The following RUNX1 variants were observed in gnomAD, a reference collection of about 807,000 sequenced individuals.
The protein encoded by RUNX1 is runt-related transcription factor 1.
In RUNX1, 19 loss-of-function variants were observed where a neutral mutation model predicts 42.8. The ratio of observed to expected loss-of-function variants is 0.44; its 90% CI spans 0.31 to 0.65. RUNX1 has a LOEUF of 0.65. RUNX1 is among the 30% of genes least tolerant of loss of function. RUNX1 has a pLI of 0.07. For synonymous variants in RUNX1, 271 were observed against 289.4 expected (o/e 0.94, Z 0.64); for missense variants, 528 against 672.0 (o/e 0.79, Z 2.37).
chr21:34,993,059 C>T (rs2058957901), intron 2 of RUNX1, among the ~76,000 whole-genome samples: 2 of 152,254 alleles, frequency 1.3e-5, no homozygotes, highest in African/African-American at 4.8e-5. Flanking sequence ...CATCTGGGGC[C>T]TTTGGGAAGC....
At chr21:34,955,305 G>C (rs1049840404) in intron 2 of RUNX1, among the ~76,000 whole-genome samples, 1 of 151,978 alleles carries the variant, frequency 6.6e-6, no homozygotes, top group Admixed American at 6.6e-5. Context: ...CTAAGCAGTT[G>C]TGAGGATTGC....
At chr21:34,989,187 T>G (rs2058917028) in intron 2 of RUNX1, among the ~76,000 whole-genome samples, 1 of 152,094 alleles carries the variant, frequency 6.6e-6, no homozygotes, top group Non-Finnish European at 1.5e-5. Context: ...TTTTGTATTT[T>G]TAGTAGAGAC....
chr21:34,967,443 C>A (rs945497945), intron 2 of RUNX1, among the ~76,000 whole-genome samples: 1 of 150,164 alleles, frequency 6.7e-6, no homozygotes, highest in African/African-American at 2.4e-5. Context: ...AACTGTGCCA[C>A]GTCAGTGTCA....
intron 7 of RUNX1, among the ~76,000 whole-genome samples, chr21:34,809,230 T>G (rs2056725539): frequency 6.6e-6 from 1 of 151,938 alleles, no homozygotes; most frequent in Non-Finnish European, 1.5e-5. Context: ...TTCCTTCCAC[T>G]CCTCCATGTC....
chr21:34,803,274 G>A (rs577627868), intron 7 of RUNX1, among the ~76,000 whole-genome samples: 2 of 152,174 alleles, frequency 1.3e-5, no homozygotes, highest in South Asian at 2.1e-4. Flanking sequence ...AGGGCCGGGC[G>A]CAGTGGCTCA....
At chr21:34,838,633 A>C (rs925649665) in intron 6 of RUNX1, among the ~76,000 whole-genome samples, 28 of 152,232 alleles carry the variant, frequency 1.8e-4, no homozygotes, top group Admixed American at 6.5e-5. Flanking sequence ...GGATATAAAA[A>C]TATGGGGTTT....
chr21:34,898,588 G>C (rs766687797), intron 2 of RUNX1, among the ~76,000 whole-genome samples: 3 of 152,132 alleles, frequency 2.0e-5, no homozygotes, highest in Non-Finnish European at 4.4e-5. Context: ...GAGAGCAGGG[G>C]TGTTTTTTAT....
At chr21:34,887,968 T>G in intron 3 of RUNX1, 1 of 1,065,956 alleles carries the variant, frequency 9.4e-7, no homozygotes, top group Non-Finnish European at 1.1e-6. Context: ...GAAGGCCCAG[T>G]CGATGACACT....
chr21:35,032,140 T>G (rs1396093332), intron 2 of RUNX1, among the ~76,000 whole-genome samples: 1 of 152,174 alleles, frequency 6.6e-6, no homozygotes, highest in Non-Finnish European at 1.5e-5. Context: ...AGCCTTGAAA[T>G]GGAAAAGGAA....
intron 2 of RUNX1, among the ~76,000 whole-genome samples, chr21:35,013,872 G>C (rs1185111134): frequency 6.6e-6 from 1 of 152,140 alleles, no homozygotes; most frequent in East Asian, 1.9e-4. Flanking sequence ...CTGTGTTATA[G>C]AAATTCATGC....
At chr21:34,887,689 T>TG (rs1322524357) in intron 3 of RUNX1, 1 of 1,066,742 alleles carries the variant, frequency 9.4e-7, no homozygotes, top group Admixed American at 4.8e-5. Context: ...CTAATGTATG[T>TG]GCACGTATAT....
chr21:34,826,252 A>G (rs1005842713), intron 7 of RUNX1, among the ~76,000 whole-genome samples: 1 of 152,022 alleles, frequency 6.6e-6, no homozygotes, highest in Non-Finnish European at 1.5e-5. Flanking sequence ...TAATCATGTG[A>G]GTGGGTTATT....
At position 34,889,583 on chromosome 21, in the gene RUNX1, C is replaced by T. The variant is rs1351447626; in HGVS notation, c.98-2487G>A. The T allele has an allele frequency of 9.3e-6, 8 of 858,062 alleles. No individual in the cohort carries two copies. The East Asian group carries it at 3.9e-4, about 41-fold the overall frequency. 53.2% of individuals were successfully genotyped at this position (858,062 alleles called of 1,614,324 possible). A position where few individuals can be genotyped will look rare whatever the true frequency, so the allele number is the denominator to read the frequency against. Reference sequence around the variant, plus strand: ...CACCCGCAGCAGCCGGACAGCCTGCCCGGGCCCCGCGTCTCCCCTCCGGCT... The same window carrying T: ...CACCCGCAGCAGCCGGACAGCCTGCTCGGGCCCCGCGTCTCCCCTCCGGCT... On this transcript the variant is annotated intron_variant, in intron 3 of 8. Coordinates refer to ENST00000675419, the MANE Select transcript of RUNX1 (RefSeq NM_001754.5).
intron 2 of RUNX1, among the ~76,000 whole-genome samples, chr21:34,930,705 T>A (rs774749558): frequency 3.3e-3 from 170 of 51,140 alleles, no homozygotes; most frequent in African/African-American, 7.6e-3. Context: ...ACACACACAC[T>A]CTCTCTCTCT....
intron 4 of RUNX1, among the ~76,000 whole-genome samples, chr21:34,881,251 G>C (rs2057901114): frequency 1.3e-5 from 2 of 152,072 alleles, no homozygotes; most frequent in Non-Finnish European, 2.9e-5. Flanking sequence ...TGAACAAGGT[G>C]CAGACTTTAC....
chr21:34,933,505 G>GT (rs1317449413), intron 2 of RUNX1, among the ~76,000 whole-genome samples: 15 of 152,098 alleles, frequency 9.9e-5, no homozygotes, highest in African/African-American at 2.4e-4. Context: ...AAGTTTTGAT[G>GT]TTTTTTTTAT....
chr21:34,964,431 T>A (rs929120769), intron 2 of RUNX1, among the ~76,000 whole-genome samples: 27 of 147,488 alleles, frequency 1.8e-4, no homozygotes, highest in African/African-American at 6.8e-4. Context: ...GAGGTTGCAG[T>A]GAGCCGAGAT....
At chr21:34,928,344 T>C (rs1224617522) in intron 2 of RUNX1, among the ~76,000 whole-genome samples, 1 of 152,140 alleles carries the variant, frequency 6.6e-6, no homozygotes. Flanking sequence ...CAAAAAGAAT[T>C]TGAAGTAAAA....
At chr21:35,038,794 G>C (rs1377781955) in intron 2 of RUNX1, 1 of 455,092 alleles carries the variant, frequency 2.2e-6, no homozygotes, top group Non-Finnish European at 4.4e-6. Context: ...CCACTTCCCA[G>C]GGCTCCTTCC....
Sources: allele counts gnomAD v4.1 joint callset (sites outside exome capture counted in the v4.1 genomes callset), GRCh38; gene constraint gnomAD v4.1.1; transcripts MANE v1.5; gene names NCBI Gene and HGNC (gene_info 2026-07-23, HGNC 2026-07-21).